Variants in LIN52 observed in about 807,000 individuals in gnomAD.
LIN52 encodes lin-52 DREAM MuvB core complex component.
Under a neutral mutation model 18.5 loss-of-function variants are expected in LIN52, and 4 were observed. The ratio of observed to expected loss-of-function variants is 0.22; its 90% confidence interval spans 0.11 to 0.49. LIN52 has a LOEUF of 0.49. Among genes scored for constraint, LIN52 ranks in the 20% least tolerant of loss-of-function variants. The probability of loss-of-function intolerance (pLI) is 0.97; values close to 1 mark genes in which losing one functional copy is unlikely to be tolerated. For missense variants in LIN52, 102 were observed against 139.5 expected, an observed-to-expected ratio of 0.73 and a Z score of 1.35; for synonymous variants, 34 against 45.5, an observed-to-expected ratio of 0.75 and a Z score of 1.02.
At chr14:74,179,138 T>C (rs1335871115) in intron 5 of LIN52, among the ~76,000 whole-genome samples, 2 of 152,134 alleles carry the variant, frequency 1.3e-5, no homozygotes, top group African/African-American at 4.8e-5. Flanking sequence ...CATCCCTCTC[T>C]TTCTAAAGCT....
intron 5 of LIN52, among the ~76,000 whole-genome samples, chr14:74,185,154 G>T (rs1456873616): frequency 6.6e-6 from 1 of 151,844 alleles, no homozygotes; most frequent in South Asian, 2.1e-4. Flanking sequence ...GACTGTCATT[G>T]TCTCTAGGCC....
intron 5 of LIN52, among the ~76,000 whole-genome samples, chr14:74,172,768 T>C (rs139663299): frequency 1.6e-3 from 243 of 152,332 alleles, no homozygotes; most frequent in African/African-American, 5.6e-3. Flanking sequence ...CAGAAAATGT[T>C]CTGCTCAAAT....
chr14:74,144,985 G>C (rs116032669), intron 5 of LIN52, among the ~76,000 whole-genome samples: 2,844 of 152,288 alleles, frequency 0.019, 90 homozygotes, highest in African/African-American at 0.065. Context: ...AACAAGGCAC[G>C]TGATAGAAGA....
At chr14:74,164,076 G>A (rs2061238312) in intron 5 of LIN52, among the ~76,000 whole-genome samples, 1 of 151,886 alleles carries the variant, frequency 6.6e-6, no homozygotes, top group African/African-American at 2.4e-5. Context: ...CCGCCTCCCG[G>A]GTTCACGCCA....
At chr14:74,126,454 T>A (rs1400951222) in intron 5 of LIN52, among the ~76,000 whole-genome samples, 1 of 152,218 alleles carries the variant, frequency 6.6e-6, no homozygotes, top group Non-Finnish European at 1.5e-5. Flanking sequence ...TCAGTACTAT[T>A]CACAAGAGCC....
At chr14:74,177,890 G>C (rs982764652) in intron 5 of LIN52, among the ~76,000 whole-genome samples, 1 of 152,160 alleles carries the variant, frequency 6.6e-6, no homozygotes, top group African/African-American at 2.4e-5. Flanking sequence ...CAATTCTCCT[G>C]CCTCAGCCTC....
chr14:74,139,510 T>A (rs750854704), intron 5 of LIN52, among the ~76,000 whole-genome samples: 6 of 152,176 alleles, frequency 3.9e-5, no homozygotes, highest in Non-Finnish European at 5.9e-5. Context: ...GTGCCCAACA[T>A]CTCCTGTTAA....
At chr14:74,166,622 A>G (rs2061251085) in intron 5 of LIN52, among the ~76,000 whole-genome samples, 1 of 152,222 alleles carries the variant, frequency 6.6e-6, no homozygotes, top group African/African-American at 2.4e-5. Flanking sequence ...GTGGGAAGCA[A>G]CTATATTTCT....
intron 4 of LIN52, 142 bp from the exon 5 acceptor site, chr14:74,101,013 G>A (rs2060850003): frequency 1.5e-6 from 1 of 682,566 alleles, no homozygotes; most frequent in Non-Finnish European, 2.5e-6. Flanking sequence ...TTAAGATTGG[G>A]GGAGGAGTTA....
At chr14:74,114,518 G>A (rs1375151701) in intron 5 of LIN52, 1 of 724,386 alleles carries the variant, frequency 1.4e-6, no homozygotes, top group African/African-American at 1.9e-5. Context: ...TACGGGATAA[G>A]CTGAAATTAG....
chr14:74,193,761 G>GT (rs1480054703), intron 5 of LIN52, among the ~76,000 whole-genome samples: 75 of 152,202 alleles, frequency 4.9e-4, no homozygotes, highest in South Asian at 6.2e-4. Context: ...ATGTGGCCCA[G>GT]GGTCAATGTA....
intron 5 of LIN52, among the ~76,000 whole-genome samples, chr14:74,116,562 C>T (rs1380950985): frequency 2.0e-5 from 3 of 151,866 alleles, no homozygotes; most frequent in South Asian, 2.1e-4. Context: ...AAAAATTAGT[C>T]ACTCGTAGTG....
intron 4 of LIN52, 51 bp downstream of exon 4, chr14:74,097,911 G>A: frequency 7.5e-7 from 1 of 1,339,778 alleles, no homozygotes; most frequent in Non-Finnish European, 1.1e-6. Context: ...TTTTTCCATA[G>A]ACCACCTCTC....
chr14:74,092,617 T>C (rs1338397956), intron 2 of LIN52, among the ~76,000 whole-genome samples: 4 of 151,580 alleles, frequency 2.6e-5, no homozygotes, highest in African/African-American at 9.7e-5. Flanking sequence ...TTAATTACTT[T>C]TTAAAACTAC....
At chr14:74,097,891 G>C (rs1389330532) in intron 4 of LIN52, 31 bp downstream of exon 4, 2 of 1,526,442 alleles carry the variant, frequency 1.3e-6, no homozygotes, top group Non-Finnish European at 1.8e-6. Flanking sequence ...CTTTTAACTG[G>C]ATATTTATGT....
At chr14:74,088,252 G>A (rs545761581) in intron 1 of LIN52, among the ~76,000 whole-genome samples, 7 of 152,054 alleles carry the variant, frequency 4.6e-5, no homozygotes, top group African/African-American at 9.7e-5. Flanking sequence ...CACCACACCT[G>A]GCTAATTTTT....
chr14:74,086,725 C>T (rs145335439), intron 1 of LIN52, among the ~76,000 whole-genome samples: 3 of 151,810 alleles, frequency 2.0e-5, no homozygotes, highest in African/African-American at 7.3e-5. Context: ...TGCCTGGGTG[C>T]GCTCTTGCAA....
At chr14:74,101,333 T>C (rs1307774565) in intron 5 of LIN52, 95 bp downstream of exon 5, 2 of 751,988 alleles carry the variant, frequency 2.7e-6, no homozygotes, top group Non-Finnish European at 4.2e-6. Context: ...GCTCCAGTTA[T>C]AATTCAGAAA....
At chr14:74,085,388 A>T (rs1260935306) in intron 1 of LIN52, 1 of 168,750 alleles carries the variant, frequency 5.9e-6, no homozygotes, top group Non-Finnish European at 1.3e-5. Context: ...CTTCTGATTG[A>T]GCGCACGGAT....
Sources: gnomAD v4.1 joint callset for allele counts (sites outside exome capture counted in the v4.1 genomes callset) on GRCh38, gnomAD v4.1.1 for gene constraint, MANE v1.5 for transcripts, NCBI Gene and HGNC (gene_info 2026-07-23, HGNC 2026-07-21) for gene names.